Variants in SLC3A1 observed in about 807,000 individuals in gnomAD.
SLC3A1 encodes the protein amino acid transporter heavy chain SLC3A1.
A neutral mutation model predicts 60.3 loss-of-function variants in SLC3A1; 78 were observed. That is an observed-to-expected ratio of 1.29 (90% CI 1.08 to 1.56). The LOEUF (loss-of-function observed/expected upper bound fraction) is 1.56. Among genes scored for constraint, SLC3A1 ranks in the 40% most tolerant of loss-of-function variants. SLC3A1 has a pLI of 0.00. For synonymous variants in SLC3A1, 392 were observed against 307.9 expected (o/e 1.27, Z -2.86); for missense variants, 1,172 against 858.9 (o/e 1.36, Z -4.56).
rs376083735 is a variant in SLC3A1, at chr2:44,320,488, G to A, written c.1907G>A (p.Ser636Asn). Reference protein sequence around the residue: ...SADKGSKVDTSGIFLDKGEGL... With the variant: ...SADKGSKVDTNGIFLDKGEGL... Reference sequence around the variant, plus strand: ...GACAAAGGCAGTAAAGTTGATACAAGTGGCATTTTTCTGGACAAGGGAGAG... The same window carrying A: ...GACAAAGGCAGTAAAGTTGATACAAATGGCATTTTTCTGGACAAGGGAGAG... The change falls in exon 10 of 10, where the codon AGT becomes AAT. Residue 636 changes from serine to asparagine, a missense_variant. Transcript: ENST00000260649. 4.3e-6 allele frequency: 7 copies of A among 1,614,020 alleles called. No individual in the cohort carries two copies. The highest frequency in any genetic ancestry group is 5.9e-6 in the Non-Finnish European group (7 of 1,179,990).
intron 4 of SLC3A1, among the ~76,000 whole-genome samples, chr2:44,288,332 C>A (rs1401151596): frequency 6.6e-6 from 1 of 152,110 alleles, no homozygotes. Context: ...GGCCTAATTT[C>A]AGAACACTTT....
Position 44,286,173 on chromosome 2 carries a change from C to T in SLC3A1, c.891+16C>T, listed in dbSNP as rs1443460232. 6.2e-7 allele frequency: 1 copy of T among 1,612,200 alleles called. No homozygotes were observed. The highest frequency in any genetic ancestry group is 8.5e-7 in the Non-Finnish European group (1 of 1,178,556). The stretch of plus-strand genomic sequence containing the variant: ...AGAAATAAAAGTGAGTATAGATACC[C>T]ACACAGACTTCTCCATTAATGGAGG... On this transcript the variant is annotated intron_variant, in intron 4 of 9. Coordinates refer to ENST00000260649, the MANE Select transcript of SLC3A1 (RefSeq NM_000341.4).
At chr2:44,284,311 C>T (rs1671562922) in intron 3 of SLC3A1, among the ~76,000 whole-genome samples, 1 of 152,154 alleles carries the variant, frequency 6.6e-6, no homozygotes, top group Non-Finnish European at 1.5e-5. Flanking sequence ...AACTCCTGAC[C>T]TTGTGATCTG....
chr2:44,305,834 C>T (rs912844428), intron 7 of SLC3A1, among the ~76,000 whole-genome samples: 1 of 152,164 alleles, frequency 6.6e-6, no homozygotes, highest in Non-Finnish European at 1.5e-5. Flanking sequence ...TTTCTGTGGT[C>T]TCATCGTTTA....
chr2:44,300,858 A>G lies in SLC3A1; in HGVS notation c.1012-145A>G, dbSNP rs1348196662. ...TAACAACTTGAGCATCAAATGAAGC[A>G]TTCTTCTCCATCCACAAAACCATGT... is the stretch of plus-strand genomic sequence containing the variant. On this transcript the variant is annotated intron_variant, in intron 5 of 9. Coordinates refer to ENST00000260649, the MANE Select transcript of SLC3A1 (RefSeq NM_000341.4). 7.5e-5 allele frequency: 64 copies of G among 849,858 alleles called. No homozygotes were observed. In the East Asian group the frequency reaches 1.6e-3, roughly 21 times the overall value. 52.6% of individuals were successfully genotyped at this position (849,858 alleles called of 1,614,324 possible).
Position 44,321,343 on chromosome 2 carries a change from T to G in SLC3A1, c.*704T>G. The stretch of plus-strand genomic sequence containing the variant: ...TTTCAGTGTGTTTCCAATTCCCAGT[T>G]GAATGCAGTGTTTCAGAATTTCAGG... On this transcript the variant is annotated 3_prime_UTR_variant, in exon 10 of 10. Coordinates refer to ENST00000260649, the MANE Select transcript of SLC3A1 (RefSeq NM_000341.4). The G allele has an allele frequency of 6.3e-7, 1 of 1,582,108 alleles. No homozygotes were observed. Among genetic ancestry groups the G allele is most frequent in the Non-Finnish European group, 8.7e-7 (1 of 1,151,974 alleles).
At chr2:44,281,048 C>A (rs1387936536) in intron 2 of SLC3A1, among the ~76,000 whole-genome samples, 153 bp downstream of exon 2, 2 of 134,652 alleles carry the variant, frequency 1.5e-5, no homozygotes, top group Non-Finnish European at 3.1e-5. Flanking sequence ...CCCGCTTTCT[C>A]TTTCTTCCTT....
At chr2:44,296,914 C>T (rs559883905) in intron 4 of SLC3A1, among the ~76,000 whole-genome samples, 5 of 152,304 alleles carry the variant, frequency 3.3e-5, no homozygotes, top group East Asian at 1.9e-4. Context: ...AACTCTCTCG[C>T]CTGCTGTCAT....
chr2:44,279,020 A>T (rs1448653987), intron 1 of SLC3A1, among the ~76,000 whole-genome samples: 2 of 149,372 alleles, frequency 1.3e-5, no homozygotes, highest in Non-Finnish European at 3.0e-5. Context: ...TTTTTTTGAG[A>T]TGGAGTCTCA....
intron 4 of SLC3A1, among the ~76,000 whole-genome samples, chr2:44,296,709 C>T (rs1427085979): frequency 6.6e-6 from 1 of 152,190 alleles, no homozygotes; most frequent in Middle Eastern, 3.2e-3. Flanking sequence ...GATAGAAACG[C>T]ACTTCAAGTC....
chr2:44,275,941 A>G lies in SLC3A1; in HGVS notation c.406A>G (p.Lys136Glu). Residue 136 changes from lysine (K) to glutamate (E), a missense_variant, in exon 1 of 10, where the codon AAG (lysine) becomes GAG (glutamate). Physicochemically the swap from Lys to Glu is moderately conservative, Grantham distance 56. Coordinates refer to ENST00000260649, the MANE Select transcript of SLC3A1 (RefSeq NM_000341.4). Reference sequence around the variant, plus strand: ...CCCAAGGTCTTTCAAGGACAGTAACAAGGATGGGAACGGAGATCTGAAAGG... The same window carrying G: ...CCCAAGGTCTTTCAAGGACAGTAACGAGGATGGGAACGGAGATCTGAAAGG... ...IYPRSFKDSN[K>E]DGNGDLKGIQ... 6.2e-7 allele frequency: 1 copy of G among 1,614,188 alleles called. No homozygotes were observed. The highest frequency in any genetic ancestry group is 8.5e-7 in the Non-Finnish European group (1 of 1,180,012).
In SLC3A1 at chr2:44,312,546, T is replaced by C. The variant is rs190556612; in HGVS notation, c.1333-40T>C. On this transcript the variant is annotated intron_variant, in intron 7 of 9. Coordinates refer to ENST00000260649, the MANE Select transcript of SLC3A1 (RefSeq NM_000341.4). ...AAATAGGGTAAATCTTTCAGAAAAC[T>C]GTGTATACAGCTGTGTTCTTAAAAA... The C allele has an allele frequency of 3.2e-5, 51 of 1,603,708 alleles. No homozygotes were observed. The East Asian group carries it at 1.0e-3, about 33-fold the overall frequency.
chr2:44,281,317 G>C, intron 2 of SLC3A1, 70 bp from the exon 3 acceptor site: 1 of 1,380,034 alleles, frequency 7.2e-7, no homozygotes, highest in South Asian at 1.2e-5. Context: ...AGCCATTACT[G>C]TGCCTGGCCT....
At chr2:44,311,400 TC>T (rs1672292719) in intron 7 of SLC3A1, among the ~76,000 whole-genome samples, 1 of 152,136 alleles carries the variant, frequency 6.6e-6, no homozygotes, top group Non-Finnish European at 1.5e-5. Context: ...TGCTATTGAC[TC>T]CCCCCACCAT....
chr2:44,307,895 T>G (rs76113181), intron 7 of SLC3A1, among the ~76,000 whole-genome samples: 1 of 152,088 alleles, frequency 6.6e-6, no homozygotes, highest in Admixed American at 6.5e-5. Context: ...TTAGAAACCA[T>G]TGCCTGGTCT....
chr2:44,299,404 C>A (rs894677501), intron 4 of SLC3A1, among the ~76,000 whole-genome samples: 2 of 152,170 alleles, frequency 1.3e-5, no homozygotes, highest in Non-Finnish European at 2.9e-5. Context: ...ACCACAGGAT[C>A]GTCACTATTC....
At chr2:44,302,935 A>C (rs1270842655) in intron 6 of SLC3A1, among the ~76,000 whole-genome samples, 1 of 152,164 alleles carries the variant, frequency 6.6e-6, no homozygotes, top group Non-Finnish European at 1.5e-5. Flanking sequence ...GCGGTGGCTC[A>C]TGCCTGTAAT....
intron 9 of SLC3A1, chr2:44,318,151 C>A: frequency 2.3e-6 from 1 of 437,250 alleles, no homozygotes; most frequent in Non-Finnish European, 4.6e-6. Context: ...AGTGCAGTGG[C>A]GTGATCTCGG....
rs774022844 is a variant in SLC3A1, at chr2:44,299,996, A to T, written c.917A>T (p.Lys306Met). Residue 306 changes from lysine to methionine, a missense_variant, in exon 5 of 10, where the codon AAG becomes ATG. By Grantham distance (95) the Lys-to-Met change is moderately conservative. Coordinates refer to ENST00000260649, the MANE Select transcript of SLC3A1 (RefSeq NM_000341.4). ...GAAATTTTACGGTTCTGGCTCACAA[A>T]GGGTGTTGATGGTTTTAGTTTGGAT... ...IKEILRFWLT[K>M]GVDGFSLDAV... The T allele has an allele frequency of 1.2e-6, 2 of 1,614,116 alleles. No individual in the cohort carries two copies. Among genetic ancestry groups the T allele is most frequent in the Admixed American group, 1.7e-5 (1 of 60,026 alleles).
Sources: allele counts gnomAD v4.1 joint callset (sites outside exome capture counted in the v4.1 genomes callset), GRCh38; gene constraint gnomAD v4.1.1; transcripts MANE v1.5; gene names NCBI Gene and HGNC (gene_info 2026-07-23, HGNC 2026-07-21).